The following AMBRA1 variants were observed in gnomAD, a reference collection of about 807,000 sequenced individuals.
AMBRA1 encodes the protein autophagy and beclin 1 regulator 1, also known as activating molecule in BECN1-regulated autophagy protein 1.
A neutral mutation model predicts 125.4 loss-of-function variants in AMBRA1; 47 were observed. That is an observed-to-expected ratio of 0.37 (90% CI 0.30 to 0.48). The LOEUF (loss-of-function observed/expected upper bound fraction) is 0.48. AMBRA1 is among the 20% of genes least tolerant of loss of function. The pLI, the probability that AMBRA1 is intolerant of heterozygous loss-of-function variation, is 0.99. For missense variants in AMBRA1, 1,331 were observed against 1,693.4 expected, an observed-to-expected ratio of 0.79 and a Z score of 3.76; for synonymous variants, 626 against 655.5, an observed-to-expected ratio of 0.95 and a Z score of 0.69.
chr11:46,541,130 A>C (rs1283739280), intron 7 of AMBRA1, among the ~76,000 whole-genome samples: 1 of 152,190 alleles, frequency 6.6e-6, no homozygotes, highest in Non-Finnish European at 1.5e-5. Context: ...ACCTTTACAA[A>C]ATTACAGAAA....
At chr11:46,454,438 A>G (rs2136805462) in intron 11 of AMBRA1, among the ~76,000 whole-genome samples, 1 of 151,974 alleles carries the variant, frequency 6.6e-6, no homozygotes, top group African/African-American at 2.4e-5. Context: ...AACAGGTCAA[A>G]AAAGAAAGAG....
At chr11:46,412,224 A>C (rs552437145) in intron 15 of AMBRA1, among the ~76,000 whole-genome samples, 6 of 152,160 alleles carry the variant, frequency 3.9e-5, no homozygotes, top group African/African-American at 1.2e-4. Context: ...CAAACTATCC[A>C]TATCCTTTTG....
intron 11 of AMBRA1, among the ~76,000 whole-genome samples, chr11:46,477,499 G>GAAAAA (rs982612219): frequency 8.9e-6 from 1 of 112,356 alleles, no homozygotes. Context: ...CTAATTTCTG[G>GAAAAA]AAAAAAAAAA....
intron 16 of AMBRA1, 34 bp downstream of exon 16, chr11:46,410,242 A>G: frequency 2.5e-6 from 4 of 1,607,334 alleles, no homozygotes; most frequent in Non-Finnish European, 3.4e-6. Context: ...ATGGGCCTCC[A>G]GCCAGCTGCT....
chr11:46,445,683 G>C (rs781632313), intron 11 of AMBRA1, among the ~76,000 whole-genome samples: 1 of 152,114 alleles, frequency 6.6e-6, no homozygotes, highest in Non-Finnish European at 1.5e-5. Context: ...CTGAGTTTCC[G>C]AATTGTTTCC....
At chr11:46,575,462 A>T (rs901951316) in intron 1 of AMBRA1, among the ~76,000 whole-genome samples, 1 of 151,634 alleles carries the variant, frequency 6.6e-6, no homozygotes, top group Non-Finnish European at 1.5e-5. Context: ...TGTCTAAAAA[A>T]AAAAAAAACT....
At chr11:46,456,642 T>C (rs993843306) in intron 11 of AMBRA1, among the ~76,000 whole-genome samples, 1 of 152,214 alleles carries the variant, frequency 6.6e-6, no homozygotes, top group Middle Eastern at 3.2e-3. Context: ...CCGCAGCTTT[T>C]ATTGTTTGGT....
chr11:46,397,937 C>A lies in AMBRA1; in HGVS notation c.3410G>T (p.Gly1137Val), dbSNP rs755262492. The A allele has an allele frequency of 1.9e-6, 3 of 1,589,328 alleles. No individual in the cohort carries two copies. Among genetic ancestry groups the A allele is most frequent in the Non-Finnish European group, 2.6e-6 (3 of 1,171,892 alleles). The change falls in exon 18 of 18, where the codon GGT becomes GTT. Residue 1137 changes from glycine (G) to valine (V), a missense_variant. Around this residue, in one of 4 missense-constraint regions of AMBRA1, gnomAD observed 354 missense variants for 532.7 expected, o/e 0.66. Transcript: ENST00000683756. ...TTCTCCACTGGCACCATACTCTGAA[C>A]CCTCACCTGGCAGATACAAAGCAGA... ...TAASGPGEGEGSEYGASGEDA... is the reference protein window; with the variant it reads ...TAASGPGEGEVSEYGASGEDA...
Position 46,397,696 on chromosome 11 carries a change from C to T in AMBRA1, c.3651G>A (p.Glu1217=), listed in dbSNP as rs752488700. The T allele has an allele frequency of 6.2e-7, 1 of 1,612,966 alleles. No individual in the cohort carries two copies. The part of the protein sequence containing the change: ...QPSTSRGLLP[E]AGQLAERGLS... Reference sequence around the variant, plus strand: ...GGCCTCGCTCTGCCAGTTGCCCGGCCTCTGGGAGCAGTCCCCGAGAGGTGG... The same window carrying T: ...GGCCTCGCTCTGCCAGTTGCCCGGCTTCTGGGAGCAGTCCCCGAGAGGTGG... The change falls in exon 18 of 18, where the codon GAG becomes GAA. Residue 1217 remains glutamate (E), a synonymous_variant. Coordinates refer to ENST00000683756, the MANE Select transcript of AMBRA1 (RefSeq NM_001387011.1).
chr11:46,509,177 T>TA (rs1213531009), intron 8 of AMBRA1, among the ~76,000 whole-genome samples: 1 of 152,210 alleles, frequency 6.6e-6, no homozygotes, highest in Non-Finnish European at 1.5e-5. Flanking sequence ...GCTATTCCTG[T>TA]AAATAATTAG....
chr11:46,567,846 A>G (rs1462026975), intron 1 of AMBRA1, among the ~76,000 whole-genome samples: 1 of 151,956 alleles, frequency 6.6e-6, no homozygotes, highest in African/African-American at 2.4e-5. Flanking sequence ...GTGCCAAACT[A>G]TACTTGAAAA....
intron 17 of AMBRA1, among the ~76,000 whole-genome samples, chr11:46,400,246 G>A (rs1485181484): frequency 6.6e-6 from 1 of 152,002 alleles, no homozygotes; most frequent in African/African-American, 2.4e-5. Context: ...CAGTTTTGGG[G>A]GTTTTGATGG....
intron 7 of AMBRA1, among the ~76,000 whole-genome samples, chr11:46,524,016 G>A (rs923320560): frequency 6.6e-6 from 1 of 152,132 alleles, no homozygotes; most frequent in Non-Finnish European, 1.5e-5. Flanking sequence ...TTACAGGGAT[G>A]CACCACCATG....
intron 12 of AMBRA1, among the ~76,000 whole-genome samples, chr11:46,440,034 G>A (rs947256539): frequency 6.6e-5 from 10 of 151,854 alleles, no homozygotes; most frequent in African/African-American, 1.7e-4. Flanking sequence ...AATTTGGCAC[G>A]AGCTGTATAG....
At chr11:46,585,398 T>C (rs1002064314) in intron 1 of AMBRA1, among the ~76,000 whole-genome samples, 2 of 149,252 alleles carry the variant, frequency 1.3e-5, no homozygotes, top group Non-Finnish European at 3.0e-5. Flanking sequence ...CTGGGCATGG[T>C]GCCTCACACT....
At chr11:46,501,135 C>T (rs147389778) in intron 9 of AMBRA1, among the ~76,000 whole-genome samples, 56 of 152,320 alleles carry the variant, frequency 3.7e-4, no homozygotes, top group African/African-American at 1.3e-3. Flanking sequence ...CATGCATTTA[C>T]AGCTGGTACT....
intron 1 of AMBRA1, among the ~76,000 whole-genome samples, chr11:46,570,514 C>A (rs1024060267): frequency 6.6e-6 from 1 of 152,002 alleles, no homozygotes; most frequent in Non-Finnish European, 1.5e-5. Context: ...ATTTGTAATA[C>A]GAGGTATGAC....
At chr11:46,494,028 C>T (rs1202584455) in intron 10 of AMBRA1, 96 bp downstream of exon 10, 3 of 1,217,418 alleles carry the variant, frequency 2.5e-6, no homozygotes, top group Non-Finnish European at 3.5e-6. Flanking sequence ...GGAAACAATG[C>T]CAGATGTGGA....
intron 14 of AMBRA1, among the ~76,000 whole-genome samples, chr11:46,427,087 T>C (rs1947175479): frequency 6.6e-6 from 1 of 151,044 alleles, no homozygotes; most frequent in African/African-American, 2.5e-5. Context: ...ATATTATAAG[T>C]TCAATTCAAG....
Sources: allele counts gnomAD v4.1 joint callset (sites outside exome capture counted in the v4.1 genomes callset), GRCh38; gene constraint gnomAD v4.1.1; regional missense constraint gnomAD v4.1.1; transcripts MANE v1.5; gene names NCBI Gene and HGNC (gene_info 2026-07-23, HGNC 2026-07-21).